SDK1: variants seen among roughly 807,000 people sequenced by gnomAD.
SDK1 encodes protein sidekick-1.
A neutral mutation model predicts 245.5 loss-of-function variants in SDK1; 157 were observed. That is an observed-to-expected ratio of 0.64 (90% confidence interval 0.56 to 0.73). SDK1 has a LOEUF of 0.73. Among genes scored for constraint, SDK1 ranks in the 30% least tolerant of loss-of-function variants. The pLI is 0.00. For missense variants in SDK1, 3,583 were observed against 3,002.3 expected (o/e 1.19, Z -4.52); for synonymous variants, 1,647 against 1,278.5 (o/e 1.29, Z -6.15).
intron 5 of SDK1, among the ~76,000 whole-genome samples, chr7:3,889,601 G>A (rs1371146073): frequency 1.3e-5 from 2 of 152,100 alleles, no homozygotes; most frequent in Non-Finnish European, 2.9e-5. Context: ...TCTGCCTCCC[G>A]GCTTCATGCC....
chr7:3,341,266 C>T (rs893971966), intron 1 of SDK1, among the ~76,000 whole-genome samples: 1 of 152,148 alleles, frequency 6.6e-6, no homozygotes, highest in African/African-American at 2.4e-5. Flanking sequence ...AAATCAGCAT[C>T]TATCAGTTGA....
chr7:3,560,341 CTG>C (rs1414194603), intron 1 of SDK1, among the ~76,000 whole-genome samples: 1 of 151,886 alleles, frequency 6.6e-6, no homozygotes, highest in Non-Finnish European at 1.5e-5. Flanking sequence ...TATTTCATCT[CTG>C]TAATTACCAT....
At chr7:4,114,383 T>C in intron 25 of SDK1, 109 bp downstream of exon 25, 1 of 839,242 alleles carries the variant, frequency 1.2e-6, no homozygotes, top group East Asian at 2.7e-5. Flanking sequence ...CTGTCCCACT[T>C]GTGTCTGTCT....
intron 4 of SDK1, among the ~76,000 whole-genome samples, chr7:3,664,075 A>G (rs1032578073): frequency 3.9e-5 from 6 of 152,044 alleles, no homozygotes; most frequent in Non-Finnish European, 7.4e-5. Flanking sequence ...TCTGGACAAC[A>G]TTCAATGCTT....
chr7:3,668,482 T>C lies in SDK1; in HGVS notation c.713+26377T>C, dbSNP rs536250459. 2.4e-4 allele frequency among the ~76,000 whole-genome samples: 37 copies of C among 152,304 alleles called. No homozygotes were observed. The South Asian group carries it at 4.8e-3, about 20-fold the overall frequency. On this transcript the variant is annotated intron_variant, in intron 4 of 44. Coordinates refer to ENST00000404826, the MANE Select transcript of SDK1 (RefSeq NM_152744.4). Reference sequence around the variant, plus strand: ...CAGAGAGAAGCTGTCACATAAAAACTATATTGCCTTGGGCCTGGTGCAGTG... The same window carrying C: ...CAGAGAGAAGCTGTCACATAAAAACCATATTGCCTTGGGCCTGGTGCAGTG...
chr7:3,620,346 A>G (rs1232118407), intron 2 of SDK1, among the ~76,000 whole-genome samples: 2 of 151,632 alleles, frequency 1.3e-5, no homozygotes, highest in Admixed American at 6.6e-5. Flanking sequence ...CTTGTTGCCC[A>G]GGCTGGAGTG....
At position 4,192,606 on chromosome 7, in the gene SDK1, G is replaced by A. The variant is rs79213137; in HGVS notation, c.5099-13273G>A. On this transcript the variant is annotated intron_variant, in intron 35 of 44. Transcript: ENST00000404826. ...GTATATTCTAATTGAAGTATGTTCC[G>A]TGTTTTTTCAGAGAATGCTTTGCAC... Among the ~76,000 whole-genome samples, 464 of 152,268 alleles carry A rather than the reference G, an allele frequency of 3.0e-3. 4 individuals are homozygous for A. The highest frequency in any genetic ancestry group is 0.011 in the African/African-American group (444 of 41,544).
intron 5 of SDK1, among the ~76,000 whole-genome samples, chr7:3,889,353 T>C (rs1053928111): frequency 2.0e-5 from 3 of 152,204 alleles, no homozygotes; most frequent in Non-Finnish European, 2.9e-5. Flanking sequence ...AGGCCTACAG[T>C]TGGGCTCTCC....
intron 1 of SDK1, among the ~76,000 whole-genome samples, chr7:3,568,144 C>G (rs1474156908): frequency 6.6e-6 from 1 of 152,164 alleles, no homozygotes; most frequent in Non-Finnish European, 1.5e-5. Context: ...GAACAATGAT[C>G]ATTAAGAGAT....
At chr7:3,749,674 C>T (rs1441957449) in intron 4 of SDK1, among the ~76,000 whole-genome samples, 2 of 152,204 alleles carry the variant, frequency 1.3e-5, no homozygotes, top group African/African-American at 2.4e-5. Context: ...TGCTGCCCTT[C>T]AGCCTCTTGC....
intron 1 of SDK1, among the ~76,000 whole-genome samples, chr7:3,571,536 C>G (rs1320713612): frequency 1.3e-5 from 2 of 151,996 alleles, no homozygotes; most frequent in African/African-American, 4.8e-5. Flanking sequence ...AACTCCTGAG[C>G]TCAAGTGATC....
intron 9 of SDK1, 26 bp from the exon 10 acceptor site, chr7:3,967,292 A>G: frequency 6.4e-7 from 1 of 1,571,232 alleles, no homozygotes; most frequent in South Asian, 1.1e-5. Flanking sequence ...CAAGGCCCTG[A>G]TCATTTCATT....
At chr7:3,448,911 C>G (rs767228449) in intron 1 of SDK1, among the ~76,000 whole-genome samples, 2 of 152,194 alleles carry the variant, frequency 1.3e-5, no homozygotes, top group East Asian at 3.9e-4. Flanking sequence ...GCTAAAATTG[C>G]GAGCACAGGA....
intron 43 of SDK1, among the ~76,000 whole-genome samples, chr7:4,243,145 A>G (rs540473726): frequency 1.3e-5 from 2 of 152,344 alleles, no homozygotes; most frequent in East Asian, 1.9e-4. Context: ...AAGATATTAC[A>G]TGCCCTGCTT....
chr7:3,509,693 T>G (rs935134714), intron 1 of SDK1, among the ~76,000 whole-genome samples: 1 of 152,204 alleles, frequency 6.6e-6, no homozygotes, highest in Non-Finnish European at 1.5e-5. Context: ...AACCTCTGTT[T>G]AATGTCACAG....
rs543359302 is a variant in SDK1 at position 3,850,620 on chromosome 7, G to C, written c.847+29037G>C. 2.0e-5 allele frequency among the ~76,000 whole-genome samples: 3 copies of C among 152,268 alleles called. No individual in the cohort carries two copies. The South Asian group carries it at 6.2e-4, about 32-fold the overall frequency. The stretch of plus-strand genomic sequence containing the variant: ...TTGGAACCAACCCAAATGTCCATCA[G>C]TGATAGACTGCATTAAGAAAATGTG... On this transcript the variant is annotated intron_variant, in intron 5 of 44. Coordinates refer to ENST00000404826, the MANE Select transcript of SDK1 (RefSeq NM_152744.4).
chr7:3,655,489 ATATATATATATATATGTATGTATG>A (rs1783149204), intron 4 of SDK1, among the ~76,000 whole-genome samples: 1 of 59,552 alleles, frequency 1.7e-5, no homozygotes, highest in African/African-American at 4.7e-5. Context: ...ATATATATAT[ATATATATATATATATGTATGTATG>A]TATATAAAAT....
intron 4 of SDK1, among the ~76,000 whole-genome samples, chr7:3,804,056 G>A (rs1779179649): frequency 6.6e-6 from 1 of 151,904 alleles, no homozygotes; most frequent in South Asian, 2.1e-4. Flanking sequence ...GAGCCACCCT[G>A]CCCAGCAATA....
In SDK1 at chr7:3,697,095, C is replaced by T. The variant is rs564897120; in HGVS notation, c.713+54990C>T. On this transcript the variant is annotated intron_variant, in intron 4 of 44. Coordinates refer to ENST00000404826, the MANE Select transcript of SDK1 (RefSeq NM_152744.4). The stretch of plus-strand genomic sequence containing the variant: ...ATGTTTTATTTTCTAGATTTTCCTT[C>T]TCTCGCCATTTGACTAATTCTTACA... Among the ~76,000 whole-genome samples the T allele has an allele frequency of 2.6e-5, 4 of 152,324 alleles. 1 individual carries two copies. Among genetic ancestry groups the T allele is most frequent in the African/African-American group, 9.6e-5 (4 of 41,566 alleles).
Sources: allele counts gnomAD v4.1 joint callset (sites outside exome capture counted in the v4.1 genomes callset), GRCh38; gene constraint gnomAD v4.1.1; transcripts MANE v1.5; gene names NCBI Gene and HGNC (gene_info 2026-07-23, HGNC 2026-07-21).